ACSBG1: variants seen among roughly 807,000 people sequenced by gnomAD.
ACSBG1 encodes acyl-CoA synthetase bubblegum family member 1, also known as long-chain-fatty-acid--CoA ligase ACSBG1.
A neutral mutation model predicts 80.2 loss-of-function variants in ACSBG1; 39 were observed. That is an observed-to-expected ratio of 0.49 (90% CI 0.38 to 0.64). The LOEUF (loss-of-function observed/expected upper bound fraction) is 0.64, where lower values mean the gene tolerates loss of function less well. ACSBG1 is among the 30% of genes least tolerant of loss of function. The probability of loss-of-function intolerance (pLI) is 0.00; values close to 1 mark genes in which losing one functional copy is unlikely to be tolerated. For missense variants in ACSBG1, 828 were observed against 966.4 expected (o/e 0.86, Z 1.90); for synonymous variants, 392 against 379.5 (o/e 1.03, Z -0.38).
intron 2 of ACSBG1, among the ~76,000 whole-genome samples, chr15:78,198,594 T>C (rs1035599714): frequency 2.0e-5 from 3 of 152,144 alleles, no homozygotes; most frequent in Non-Finnish European, 4.4e-5. Flanking sequence ...GTGATCTGCC[T>C]GCCTCGGCCT....
chr15:78,182,388 C>A, intron 7 of ACSBG1, 78 bp downstream of exon 7: 1 of 1,563,606 alleles, frequency 6.4e-7, no homozygotes. Flanking sequence ...TTCCCAGGGG[C>A]TACTGGGGCA....
intron 2 of ACSBG1, among the ~76,000 whole-genome samples, chr15:78,198,496 G>A (rs28631515): frequency 0.016 from 2,415 of 151,932 alleles, 58 homozygotes; most frequent in African/African-American, 0.052. Context: ...ACAGGTGCCC[G>A]CCACCATGCC....
chr15:78,209,499 G>A (rs894932761), intron 1 of ACSBG1, among the ~76,000 whole-genome samples: 2 of 152,228 alleles, frequency 1.3e-5, no homozygotes, highest in African/African-American at 4.8e-5. Context: ...AGAGGCGTGT[G>A]AATGCTGCAG....
chr15:78,175,763 A>T (rs906428706), intron 11 of ACSBG1, among the ~76,000 whole-genome samples: 1 of 152,130 alleles, frequency 6.6e-6, no homozygotes, highest in Non-Finnish European at 1.5e-5. Context: ...GCTAGAGAGG[A>T]ATCCATGGCA....
chr15:78,181,936 G>A (rs369160948), intron 8 of ACSBG1, 33 bp downstream of exon 8: 6 of 1,603,998 alleles, frequency 3.7e-6, no homozygotes, highest in Non-Finnish European at 4.3e-6. Context: ...TGGCACACGG[G>A]CTCAGACGGA....
At chr15:78,226,245 CCCA>C (rs1248343357) in intron 1 of ACSBG1, among the ~76,000 whole-genome samples, 3 of 152,030 alleles carry the variant, frequency 2.0e-5, no homozygotes, top group Non-Finnish European at 2.9e-5. Flanking sequence ...AAAAAGAAAT[CCCA>C]CCACTTTTGC....
At position 78,232,703 on chromosome 15, in the gene ACSBG1, A is replaced by G. The variant is rs574062339; in HGVS notation, c.131+1668T>C. Among the ~76,000 whole-genome samples the G allele has an allele frequency of 2.8e-5, 4 of 143,080 alleles. No homozygotes were observed. In the Admixed American group the frequency reaches 2.8e-4, roughly 10 times the overall value. 93.9% of individuals were successfully genotyped at this position (143,080 alleles called of 152,430 possible). ...CTTTTTCTTCTTTTTTTTTTTTTTG[A>G]GAAGGACTTTTGCTCTCGTGGCCCA... On this transcript the variant is annotated intron_variant, in intron 1 of 13. Transcript: ENST00000258873.
chr15:78,224,664 T>C (rs1312607132), intron 1 of ACSBG1, among the ~76,000 whole-genome samples: 2 of 151,912 alleles, frequency 1.3e-5, no homozygotes, highest in Non-Finnish European at 2.9e-5. Context: ...GAGGTTGCAG[T>C]GAGCCGAGAT....
intron 5 of ACSBG1, among the ~76,000 whole-genome samples, chr15:78,191,902 G>GAT (rs1423594819): frequency 6.6e-6 from 1 of 152,166 alleles, no homozygotes; most frequent in Non-Finnish European, 1.5e-5. Flanking sequence ...GCCGCAAAGA[G>GAT]ATATGCCAAA....
chr15:78,179,896 G>A (rs538685449), intron 9 of ACSBG1, 116 bp from the exon 10 acceptor site: 31 of 852,998 alleles, frequency 3.6e-5, no homozygotes, highest in African/African-American at 5.1e-5. Context: ...ACCCTGGCTC[G>A]GCCATTCCAG....
intron 11 of ACSBG1, among the ~76,000 whole-genome samples, chr15:78,176,556 T>G (rs985207538): frequency 6.6e-6 from 1 of 152,172 alleles, no homozygotes; most frequent in East Asian, 1.9e-4. Context: ...AAAAAAATTT[T>G]AAGTGATATT....
chr15:78,225,546 C>T (rs1235911245), intron 1 of ACSBG1, among the ~76,000 whole-genome samples: 1 of 151,898 alleles, frequency 6.6e-6, no homozygotes, highest in East Asian at 1.9e-4. Flanking sequence ...AGGTATAAAA[C>T]ATGGTTGAGA....
chr15:78,181,489 C>CTTTTT (rs71145901), intron 8 of ACSBG1, among the ~76,000 whole-genome samples: 37 of 83,030 alleles, frequency 4.5e-4, no homozygotes, highest in South Asian at 1.4e-3. Flanking sequence ...CATCAGGTTT[C>CTTTTT]TTTTTTTTTT....
rs536292260 is a variant in ACSBG1 at position 78,189,713 on chromosome 15, C to G, written c.663+3793G>C. 7.7e-3 allele frequency among the ~76,000 whole-genome samples: 1,165 copies of G among 151,900 alleles called. 22 individuals are homozygous for G. The highest frequency in any genetic ancestry group is 0.027 in the African/African-American group (1,105 of 41,386). On this transcript the variant is annotated intron_variant, in intron 5 of 13. Transcript: ENST00000258873. ...GGGAGGGATAGCTTTAGGAGATAGA[C>G]CTAATGCTAAATGACGAGTTAATGG...
intron 13 of ACSBG1, 102 bp downstream of exon 13, chr15:78,173,491 C>T (rs749713031): frequency 7.6e-5 from 115 of 1,505,326 alleles, no homozygotes; most frequent in Non-Finnish European, 9.9e-5. Context: ...CTGCCATGAC[C>T]TTCTCTTTGC....
chr15:78,233,222 T>TC (rs1190534330), intron 1 of ACSBG1, among the ~76,000 whole-genome samples: 1 of 152,004 alleles, frequency 6.6e-6, no homozygotes, highest in East Asian at 1.9e-4. Context: ...CAGGGAAGAG[T>TC]CCCTGCTTCT....
intron 12 of ACSBG1, among the ~76,000 whole-genome samples, 194 bp downstream of exon 12, chr15:78,174,191 G>A (rs1197928849): frequency 3.3e-5 from 5 of 152,180 alleles, no homozygotes; most frequent in Non-Finnish European, 5.9e-5. Flanking sequence ...GGATCATCAC[G>A]GTGGCTTATG....
chr15:78,218,614 A>C (rs1364719210), intron 1 of ACSBG1, among the ~76,000 whole-genome samples: 1 of 152,168 alleles, frequency 6.6e-6, no homozygotes, highest in Non-Finnish European at 1.5e-5. Flanking sequence ...TACACAAATT[A>C]ATTCATTTGA....
intron 1 of ACSBG1, among the ~76,000 whole-genome samples, chr15:78,225,387 G>T (rs1238309023): frequency 7.1e-6 from 1 of 140,540 alleles, no homozygotes; most frequent in Non-Finnish European, 1.5e-5. Flanking sequence ...AGCAACAAGA[G>T]TGAAACTCTG....
Sources: allele counts gnomAD v4.1 joint callset (sites outside exome capture counted in the v4.1 genomes callset), GRCh38; gene constraint gnomAD v4.1.1; transcripts MANE v1.5; gene names NCBI Gene and HGNC (gene_info 2026-07-23, HGNC 2026-07-21).